Variants in PPP6R3 observed in about 807,000 individuals in gnomAD.
The protein encoded by PPP6R3 is protein phosphatase 6 regulatory subunit 3, also known as serine/threonine-protein phosphatase 6 regulatory subunit 3.
Under a neutral mutation model 110.7 loss-of-function variants are expected in PPP6R3, and 38 were observed. That is an observed-to-expected ratio of 0.34 (90% CI 0.26 to 0.45). The LOEUF (loss-of-function observed/expected upper bound fraction) is 0.45, where lower values mean the gene tolerates loss of function less well. PPP6R3 is among the 20% of genes least tolerant of loss of function. The pLI, the probability that PPP6R3 is intolerant of heterozygous loss-of-function variation, is 1.00. For synonymous variants in PPP6R3, 369 were observed against 373.5 expected, an observed-to-expected ratio of 0.99 and a Z score of 0.14; for missense variants, 870 against 1,062.4, an observed-to-expected ratio of 0.82 and a Z score of 2.52.
intron 1 of PPP6R3, among the ~76,000 whole-genome samples, chr11:68,511,495 T>TGTGTGTGTGTGTGTGTGTGTGTG (rs56327782): frequency 1.0e-4 from 15 of 147,774 alleles, no homozygotes; most frequent in African/African-American, 2.0e-4. Flanking sequence ...TGTGTGTGTG[T>TGTGTGTGTGTGTGTGTGTGTGTG]TTTGAGTTGG....
At chr11:68,612,725 ACATAGCTCCTGAAGGCTCTG>A (rs1364879518) in intron 23 of PPP6R3, among the ~76,000 whole-genome samples, 2 of 152,082 alleles carry the variant, frequency 1.3e-5, no homozygotes, top group Non-Finnish European at 2.9e-5. Context: ...AGCGGTGAAC[ACATAGCTCCTGAAGGCTCTG>A]GAAGCCACAG....
At chr11:68,566,067 C>T (rs2099465292) in intron 9 of PPP6R3, among the ~76,000 whole-genome samples, 1 of 152,206 alleles carries the variant, frequency 6.6e-6, no homozygotes, top group Admixed American at 6.5e-5. Context: ...TTTGTGATTT[C>T]AGGCTATAGA....
At chr11:68,568,325 T>C (rs1253383084) in intron 10 of PPP6R3, among the ~76,000 whole-genome samples, 1 of 152,200 alleles carries the variant, frequency 6.6e-6, no homozygotes, top group Non-Finnish European at 1.5e-5. Flanking sequence ...AATAACAATA[T>C]ACAGTTATTG....
intron 6 of PPP6R3, among the ~76,000 whole-genome samples, chr11:68,553,451 G>A (rs557760736): frequency 2.6e-5 from 4 of 151,920 alleles, no homozygotes; most frequent in African/African-American, 7.2e-5. Flanking sequence ...GCGCCACCAC[G>A]CCTGGCTAAT....
In PPP6R3 at chr11:68,544,989, G is replaced by A. The variant is rs1001455175; in HGVS notation, c.379G>A (p.Val127Met). The change falls in exon 4 of 24, where the codon GTG becomes ATG. Residue 127 changes from valine (V) to methionine (M), a missense_variant. Val to Met is a conservative substitution (Grantham distance 21). Transcript: ENST00000393800. Reference sequence around the variant, plus strand: ...ACTACTTGCCAGTTTCTTCAGCAAGGTGCTAAGTATTCTTATCAGCAGAAA... The same window carrying A: ...ACTACTTGCCAGTTTCTTCAGCAAGATGCTAAGTATTCTTATCAGCAGAAA... The part of the protein sequence containing the change: ...NPLLASFFSK[V>M]LSILISRKPE... 1.2e-6 allele frequency: 2 copies of A among 1,609,614 alleles called. No individual in the cohort carries two copies. The highest frequency in any genetic ancestry group is 1.7e-6 in the Non-Finnish European group (2 of 1,176,200).
intron 1 of PPP6R3, among the ~76,000 whole-genome samples, chr11:68,491,796 C>G (rs986715720): frequency 2.6e-5 from 4 of 152,092 alleles, no homozygotes; most frequent in Non-Finnish European, 5.9e-5. Flanking sequence ...TTTGGCTTCC[C>G]TGGGCCACAT....
At chr11:68,559,016 A>G (rs2099409466) in intron 8 of PPP6R3, among the ~76,000 whole-genome samples, 1 of 152,228 alleles carries the variant, frequency 6.6e-6, no homozygotes, top group African/African-American at 2.4e-5. Context: ...CTTGCTCATG[A>G]TAATTAAAAA....
intron 22 of PPP6R3, among the ~76,000 whole-genome samples, chr11:68,604,275 G>A (rs910516107): frequency 9.2e-5 from 14 of 152,210 alleles, no homozygotes; most frequent in Non-Finnish European, 1.9e-4. Flanking sequence ...GTGCTCCAGT[G>A]ACACAATGTA....
intron 19 of PPP6R3, among the ~76,000 whole-genome samples, chr11:68,597,895 G>A (rs867931039): frequency 2.6e-5 from 4 of 151,546 alleles, no homozygotes; most frequent in South Asian, 2.1e-4. Flanking sequence ...CAGGAGAATC[G>A]CTTGAACCTG....
At chr11:68,569,287 T>A (rs1268495062) in intron 10 of PPP6R3, among the ~76,000 whole-genome samples, 2 of 152,188 alleles carry the variant, frequency 1.3e-5, no homozygotes, top group Non-Finnish European at 2.9e-5. Context: ...CATTTAGTCC[T>A]CGTTATTTAT....
chr11:68,569,953 C>T lies in PPP6R3; in HGVS notation c.1278+56C>T, dbSNP rs150769967. Reference sequence around the variant, plus strand: ...CTCTCTCCTGGTTATAGCAGTTTTCCACTTGACTGTGATGTGAATTGAGGT... The same window carrying T: ...CTCTCTCCTGGTTATAGCAGTTTTCTACTTGACTGTGATGTGAATTGAGGT... On this transcript the variant is annotated intron_variant, in intron 11 of 23. Coordinates refer to ENST00000393800, the MANE Select transcript of PPP6R3 (RefSeq NM_001164161.2). 6.2e-4 allele frequency: 931 copies of T among 1,499,454 alleles called. 7 individuals are homozygous for T. The African/African-American group carries it at 0.012, about 19-fold the overall frequency. 92.9% of individuals were successfully genotyped at this position (1,499,454 alleles called of 1,614,324 possible).
At chr11:68,480,467 G>A (rs2098899015) in intron 1 of PPP6R3, among the ~76,000 whole-genome samples, 1 of 152,236 alleles carries the variant, frequency 6.6e-6, no homozygotes, top group Non-Finnish European at 1.5e-5. Flanking sequence ...GCGGAACTTA[G>A]CATCCAGTGA....
At chr11:68,465,902 T>G (rs2098741996) in intron 1 of PPP6R3, among the ~76,000 whole-genome samples, 1 of 152,238 alleles carries the variant, frequency 6.6e-6, no homozygotes, top group South Asian at 2.1e-4. Flanking sequence ...AAGAAATGAT[T>G]ACTTCGACTT....
At chr11:68,604,038 A>G (rs968307463) in intron 22 of PPP6R3, among the ~76,000 whole-genome samples, 1 of 152,232 alleles carries the variant, frequency 6.6e-6, no homozygotes, top group Non-Finnish European at 1.5e-5. Context: ...GTCAAAACTT[A>G]AGGACTGAAG....
At chr11:68,549,785 G>A (rs1299726026) in intron 5 of PPP6R3, among the ~76,000 whole-genome samples, 1 of 152,194 alleles carries the variant, frequency 6.6e-6, no homozygotes, top group African/African-American at 2.4e-5. Context: ...TTTCTGGAGA[G>A]AGAGAGCGAT....
chr11:68,498,389 C>G (rs915074544), intron 1 of PPP6R3, among the ~76,000 whole-genome samples: 14 of 152,162 alleles, frequency 9.2e-5, no homozygotes, highest in Admixed American at 2.6e-4. Context: ...TATATTATTA[C>G]TATTTAAAAA....
chr11:68,611,647 C>T lies in PPP6R3; in HGVS notation c.2571-1419C>T, dbSNP rs116877281. 7.5e-3 allele frequency among the ~76,000 whole-genome samples: 1,143 copies of T among 152,178 alleles called. 8 individuals are homozygous for T. The highest frequency in any genetic ancestry group is 0.012 in the Non-Finnish European group (846 of 68,016). ...CATAAAGCTGCAGCACACGGACACCCAGTGGTCTCGGGGCATACTAGAGGC... is the reference window on the plus strand; with the variant it reads ...CATAAAGCTGCAGCACACGGACACCTAGTGGTCTCGGGGCATACTAGAGGC... On this transcript the variant is annotated intron_variant, in intron 23 of 23. Coordinates refer to ENST00000393800, the MANE Select transcript of PPP6R3 (RefSeq NM_001164161.2).
At chr11:68,498,087 G>T (rs2099028423) in intron 1 of PPP6R3, among the ~76,000 whole-genome samples, 1 of 152,080 alleles carries the variant, frequency 6.6e-6, no homozygotes, top group Admixed American at 6.6e-5. Context: ...TATTATATAT[G>T]ACTTTGTGCT....
At chr11:68,471,239 G>A (rs142273695) in intron 1 of PPP6R3, among the ~76,000 whole-genome samples, 1,526 of 149,120 alleles carry the variant, frequency 0.01, 21 homozygotes, top group African/African-American at 0.036. Context: ...AGCTGAGATC[G>A]CGCCCTGCAC....
Sources: allele counts gnomAD v4.1 joint callset (sites outside exome capture counted in the v4.1 genomes callset), GRCh38; gene constraint gnomAD v4.1.1; transcripts MANE v1.5; gene names NCBI Gene and HGNC (gene_info 2026-07-23, HGNC 2026-07-21).